The following ROBO1 variants were observed in gnomAD, a reference collection of about 807,000 sequenced individuals.
The protein encoded by ROBO1 is roundabout homolog 1.
Under a neutral mutation model 195.9 loss-of-function variants are expected in ROBO1, and 149 were observed. That is an observed-to-expected ratio of 0.76 (90% CI 0.67 to 0.87). The LOEUF (loss-of-function observed/expected upper bound fraction) is 0.87, where lower values mean the gene tolerates loss of function less well. Ranked by LOEUF, ROBO1 falls within the 40% of genes least tolerant of loss-of-function variation. The pLI is 0.00. For synonymous variants in ROBO1, 816 were observed against 733.2 expected (o/e 1.11, Z -1.82); for missense variants, 1,933 against 2,068.3 (o/e 0.93, Z 1.27).
At chr3:78,674,223 T>C (rs188178941) in intron 10 of ROBO1, among the ~76,000 whole-genome samples, 9 of 152,346 alleles carry the variant, frequency 5.9e-5, no homozygotes, top group Non-Finnish European at 7.3e-5. Flanking sequence ...TCAAATGCTA[T>C]TAGGGATAGG....
At chr3:79,405,902 T>C (rs1328443535) in intron 2 of ROBO1, among the ~76,000 whole-genome samples, 1 of 152,178 alleles carries the variant, frequency 6.6e-6, no homozygotes, top group African/African-American at 2.4e-5. Flanking sequence ...CTAGTGCTCT[T>C]AAAGAAGAGG....
At chr3:79,707,065 G>A (rs1947794355) in intron 1 of ROBO1, among the ~76,000 whole-genome samples, 1 of 152,114 alleles carries the variant, frequency 6.6e-6, no homozygotes, top group African/African-American at 2.4e-5. Context: ...AAGAAAGACT[G>A]TAGAGAACTG....
At chr3:79,202,675 GGCCCATAT>G (rs2081790004) in intron 2 of ROBO1, among the ~76,000 whole-genome samples, 1 of 150,942 alleles carries the variant, frequency 6.6e-6, no homozygotes, top group Non-Finnish European at 1.5e-5. Flanking sequence ...GTACCAGCAT[GGCCCATAT>G]GCTTTCAAGC....
intron 4 of ROBO1, among the ~76,000 whole-genome samples, chr3:78,811,939 A>G (rs1334788125): frequency 2.0e-5 from 3 of 152,208 alleles, no homozygotes; most frequent in East Asian, 3.9e-4. Context: ...AGCATAATAC[A>G]TTGCACCTGT....
chr3:79,558,339 T>C (rs1448592124), intron 2 of ROBO1, among the ~76,000 whole-genome samples: 2 of 152,224 alleles, frequency 1.3e-5, no homozygotes, highest in African/African-American at 2.4e-5. Context: ...TTACACTTAA[T>C]GAACAGTAAA....
intron 3 of ROBO1, among the ~76,000 whole-genome samples, chr3:79,072,369 C>A (rs2079104234): frequency 6.6e-6 from 1 of 151,866 alleles, no homozygotes; most frequent in South Asian, 2.1e-4. Flanking sequence ...TTTAAATATT[C>A]ATCCATTGAA....
intron 10 of ROBO1, among the ~76,000 whole-genome samples, chr3:78,675,219 A>G (rs970610440): frequency 6.0e-5 from 9 of 151,100 alleles, no homozygotes; most frequent in African/African-American, 2.2e-4. Flanking sequence ...GCTCCAGTCT[A>G]CAGCTCCCAG....
At chr3:78,987,645 TG>T in intron 3 of ROBO1, among the ~76,000 whole-genome samples, 1 of 151,182 alleles carries the variant, frequency 6.6e-6, no homozygotes, top group South Asian at 2.1e-4. Flanking sequence ...AGATGGTGAA[TG>T]GGTACCAAAA....
chr3:79,420,142 C>G (rs2038167990), intron 2 of ROBO1, among the ~76,000 whole-genome samples: 1 of 152,072 alleles, frequency 6.6e-6, no homozygotes, highest in African/African-American at 2.4e-5. Context: ...CCTACCTGAA[C>G]AGGTGTTTCA....
chr3:79,455,341 T>G (rs1367619996), intron 2 of ROBO1, among the ~76,000 whole-genome samples: 1 of 152,142 alleles, frequency 6.6e-6, no homozygotes, highest in Non-Finnish European at 1.5e-5. Flanking sequence ...ATGGCTTAAC[T>G]GTTCTGCCAT....
chr3:79,500,900 G>A (rs1002810176), intron 2 of ROBO1, among the ~76,000 whole-genome samples: 2 of 152,006 alleles, frequency 1.3e-5, no homozygotes, highest in Non-Finnish European at 2.9e-5. Context: ...GCTTTGTTAC[G>A]TTGGCATATT....
Position 79,116,392 on chromosome 3 carries a change from T to C in ROBO1, c.172+9064A>G, listed in dbSNP as rs549564135. ...GTTCTTTTCTTTCTTTCTCTCTCCT[T>C]CCTTCCTTGCTTCCTTCCTTCCTTC... On this transcript the variant is annotated intron_variant, in intron 3 of 30. Transcript: ENST00000464233. 1.5e-3 allele frequency among the ~76,000 whole-genome samples: 233 copies of C among 150,736 alleles called. 2 individuals carry two copies. The highest frequency in any genetic ancestry group is 5.1e-3 in the African/African-American group (211 of 41,060).
intron 3 of ROBO1, among the ~76,000 whole-genome samples, chr3:78,949,152 A>G (rs966221501): frequency 2.9e-5 from 4 of 139,508 alleles, no homozygotes. Context: ...CAGAATTGGA[A>G]AAAACTACTT....
intron 2 of ROBO1, among the ~76,000 whole-genome samples, chr3:79,317,366 G>A (rs2033781551): frequency 6.6e-6 from 1 of 151,302 alleles, no homozygotes; most frequent in Non-Finnish European, 1.5e-5. Flanking sequence ...ATTATCTCAT[G>A]GTAGATTTTG....
At chr3:79,509,140 A>T (rs1405110348) in intron 2 of ROBO1, among the ~76,000 whole-genome samples, 2 of 152,168 alleles carry the variant, frequency 1.3e-5, no homozygotes, top group Non-Finnish European at 2.9e-5. Context: ...TATAATTTCC[A>T]ACATGGATTC....
chr3:78,835,623 T>C (rs2032640434), intron 4 of ROBO1, among the ~76,000 whole-genome samples: 1 of 134,858 alleles, frequency 7.4e-6, no homozygotes, highest in Admixed American at 8.1e-5. Flanking sequence ...ATATCCATAG[T>C]TTTAAGCAGA....
intron 1 of ROBO1, among the ~76,000 whole-genome samples, chr3:79,604,599 C>A (rs1408721278): frequency 6.6e-6 from 1 of 151,940 alleles, no homozygotes; most frequent in Non-Finnish European, 1.5e-5. Flanking sequence ...TAATCCTTTA[C>A]TAAGAATTAT....
At chr3:79,319,672 T>A (rs936526615) in intron 2 of ROBO1, among the ~76,000 whole-genome samples, 13 of 152,050 alleles carry the variant, frequency 8.5e-5, no homozygotes, top group African/African-American at 3.1e-4. Flanking sequence ...CATATGAAAA[T>A]ATTAAAAATG....
intron 2 of ROBO1, among the ~76,000 whole-genome samples, chr3:79,298,370 T>C (rs1172076708): frequency 1.3e-5 from 2 of 152,082 alleles, no homozygotes; most frequent in African/African-American, 2.4e-5. Flanking sequence ...TCTGTAACCC[T>C]GGTGAGCTTG....
Sources: allele counts gnomAD v4.1 joint callset (sites outside exome capture counted in the v4.1 genomes callset), GRCh38; gene constraint gnomAD v4.1.1; transcripts MANE v1.5; gene names NCBI Gene and HGNC (gene_info 2026-07-23, HGNC 2026-07-21).